FHIP1A: variants seen among roughly 807,000 people sequenced by gnomAD.
FHIP1A encodes FHF complex subunit HOOK-interacting protein 1A.
In FHIP1A, 61 loss-of-function variants were observed where a neutral mutation model predicts 88.6. That is an observed-to-expected ratio of 0.69 (90% CI 0.56 to 0.85). FHIP1A has a LOEUF of 0.85. Among genes scored for constraint, FHIP1A ranks in the 40% least tolerant of loss-of-function variants. The pLI is 0.00. For missense variants in FHIP1A, 1,154 were observed against 1,273.5 expected, an observed-to-expected ratio of 0.91 and a Z score of 1.43; for synonymous variants, 478 against 496.0, an observed-to-expected ratio of 0.96 and a Z score of 0.48.
At chr4:151,438,872 G>T (rs1165961188) in intron 1 of FHIP1A, among the ~76,000 whole-genome samples, 3 of 151,936 alleles carry the variant, frequency 2.0e-5, no homozygotes, top group Non-Finnish European at 4.4e-5. Context: ...GTGAGCTTCT[G>T]TCCTCAAGTG....
intron 3 of FHIP1A, among the ~76,000 whole-genome samples, chr4:151,498,553 C>T (rs918374789): frequency 1.9e-4 from 29 of 152,258 alleles, no homozygotes; most frequent in African/African-American, 6.7e-4. Context: ...CAGTGTCTCA[C>T]GCCTGTAATC....
chr4:151,654,521 T>C (rs1040291763), intron 11 of FHIP1A, among the ~76,000 whole-genome samples: 4 of 152,206 alleles, frequency 2.6e-5, no homozygotes, highest in Non-Finnish European at 1.5e-5. Context: ...AAGTATGTCT[T>C]AATTCACCTG....
intron 3 of FHIP1A, among the ~76,000 whole-genome samples, chr4:151,487,536 G>C (rs1034019196): frequency 2.6e-5 from 4 of 152,152 alleles, no homozygotes; most frequent in Admixed American, 2.6e-4. Context: ...GTCAGGTCAG[G>C]TTATCGTGTC....
intron 8 of FHIP1A, among the ~76,000 whole-genome samples, chr4:151,637,858 A>G (rs1736412673): frequency 6.6e-6 from 1 of 152,120 alleles, no homozygotes; most frequent in Non-Finnish European, 1.5e-5. Context: ...TCTTTACAGC[A>G]TTGTTGTAGA....
At chr4:151,442,673 TA>T (rs2126562954) in intron 1 of FHIP1A, among the ~76,000 whole-genome samples, 1 of 152,298 alleles carries the variant, frequency 6.6e-6, no homozygotes. Flanking sequence ...ATGAGGTTGC[TA>T]CCCTGGGTTC....
chr4:151,611,587 T>G (rs934356050), intron 7 of FHIP1A, among the ~76,000 whole-genome samples: 18 of 152,228 alleles, frequency 1.2e-4, no homozygotes, highest in African/African-American at 3.9e-4. Context: ...ACATCAAACT[T>G]TCTGACTAAG....
Position 151,539,092 on chromosome 4 carries a change from A to G in FHIP1A, c.-122-27046A>G, listed in dbSNP as rs116794410. On this transcript the variant is annotated intron_variant, in intron 3 of 13. Coordinates refer to ENST00000435205, the MANE Select transcript of FHIP1A (RefSeq NM_001109977.3). ...CTGGGGATAACCTTAGGCTATATAG[A>G]TAGCAGTATATGCTTCCTTTTTCAA... 5.7e-3 allele frequency among the ~76,000 whole-genome samples: 861 copies of G among 152,364 alleles called. 6 individuals are homozygous for G. The highest frequency in any genetic ancestry group is 7.0e-3 in the Non-Finnish European group (475 of 68,036).
chr4:151,457,554 T>C (rs554954121), intron 2 of FHIP1A, among the ~76,000 whole-genome samples: 1 of 152,324 alleles, frequency 6.6e-6, no homozygotes, highest in Admixed American at 6.5e-5. Context: ...AACTGCAAAG[T>C]AGAGTTTATT....
At chr4:151,559,715 A>C (rs2126761283) in intron 3 of FHIP1A, among the ~76,000 whole-genome samples, 1 of 152,302 alleles carries the variant, frequency 6.6e-6, no homozygotes, top group Admixed American at 6.5e-5. Flanking sequence ...TTACCATTTA[A>C]ACAATGCTGC....
chr4:151,508,927 C>T lies in FHIP1A; in HGVS notation c.-123+26279C>T, dbSNP rs545296336. On this transcript the variant is annotated intron_variant, in intron 3 of 13. Coordinates refer to ENST00000435205, the MANE Select transcript of FHIP1A (RefSeq NM_001109977.3). ...ACTCCTCTTAAAACTTCTGTCCCCT[C>T]CCAAAAAATCTAGGAAACCCTTAAA... Among the ~76,000 whole-genome samples, 101 of 152,260 alleles carry T rather than the reference C, an allele frequency of 6.6e-4. 1 individual carries two copies. The South Asian group carries it at 0.019, about 28-fold the overall frequency.
intron 13 of FHIP1A, among the ~76,000 whole-genome samples, chr4:151,658,314 T>C (rs1737326438): frequency 6.6e-6 from 1 of 152,210 alleles, no homozygotes; most frequent in South Asian, 2.1e-4. Context: ...TGCTTATGAA[T>C]CTGTGTGGTC....
chr4:151,503,714 T>C (rs930540304), intron 3 of FHIP1A, among the ~76,000 whole-genome samples: 3 of 152,250 alleles, frequency 2.0e-5, no homozygotes, highest in Non-Finnish European at 4.4e-5. Context: ...TCTTCTGGCA[T>C]GCTTATTCCT....
intron 11 of FHIP1A, among the ~76,000 whole-genome samples, chr4:151,652,209 A>C (rs1737056799): frequency 6.6e-6 from 1 of 152,214 alleles, no homozygotes; most frequent in Non-Finnish European, 1.5e-5. Flanking sequence ...TAACATCAAT[A>C]TTTTACATAT....
At chr4:151,616,910 G>C (rs1735556086) in intron 7 of FHIP1A, among the ~76,000 whole-genome samples, 1 of 151,998 alleles carries the variant, frequency 6.6e-6, no homozygotes, top group Non-Finnish European at 1.5e-5. Flanking sequence ...ACCACACCCA[G>C]CTAATTTTTG....
intron 2 of FHIP1A, among the ~76,000 whole-genome samples, chr4:151,466,565 A>T (rs1387804923): frequency 6.6e-6 from 1 of 152,196 alleles, no homozygotes; most frequent in East Asian, 1.9e-4. Flanking sequence ...GCATCACACT[A>T]CCTGACCTCA....
Position 151,665,084 on chromosome 4 carries a change from C to T in FHIP1A, c.*2330C>T, listed in dbSNP as rs576174980. 1.2e-4 allele frequency among the ~76,000 whole-genome samples: 19 copies of T among 152,154 alleles called. No homozygotes were observed. In the East Asian group the frequency reaches 2.9e-3, roughly 23 times the overall value. On this transcript the variant is annotated 3_prime_UTR_variant, in exon 14 of 14. Transcript: ENST00000435205. The stretch of plus-strand genomic sequence containing the variant: ...CAACCTCCTGGGCTCAAGTGATCCT[C>T]CCACCTCAGCCTTCCGAGTAGCTGG...
rs1736391618 is a variant in FHIP1A at position 151,637,307 on chromosome 4, AT to A, written c.1147-1369del. ...TGAACAACAACAAATGAAAAAATTG[AT>A]AAATTGGAAATTATCAAAATTAAAA... On this transcript the variant is annotated intron_variant, in intron 8 of 13. Transcript: ENST00000435205. Among the ~76,000 whole-genome samples the A allele has an allele frequency of 2.0e-5, 3 of 152,270 alleles. No homozygotes were observed. The South Asian group carries it at 6.2e-4, about 32-fold the overall frequency.
Position 151,650,205 on chromosome 4 carries a change from C to G in FHIP1A, c.2164C>G (p.Pro722Ala), listed in dbSNP as rs1043782284. Residue 722 changes from proline to alanine, a missense_variant, in exon 11 of 14, where the codon CCA (proline) becomes GCA (alanine). Pro to Ala is a conservative substitution (Grantham distance 27, BLOSUM62 -1). Transcript: ENST00000435205. ...GCAAGAGAGGGAACCTGAAGCAGCC[C>G]CAGAATCCAACTCAGAGTTAGCATC... is the stretch of plus-strand genomic sequence containing the variant. ...PKQEREPEAA[P>A]ESNSELASPA... The G allele has an allele frequency of 5.2e-6, 8 of 1,551,594 alleles. No individual in the cohort carries two copies. The highest frequency in any genetic ancestry group is 7.0e-6 in the Non-Finnish European group (8 of 1,147,016).
chr4:151,468,716 G>A (rs1729410598), intron 2 of FHIP1A, among the ~76,000 whole-genome samples: 2 of 152,176 alleles, frequency 1.3e-5, no homozygotes, highest in South Asian at 4.1e-4. Context: ...ATTTATCAAA[G>A]GAAGTGATTT....
Sources: gnomAD v4.1 joint callset for allele counts (sites outside exome capture counted in the v4.1 genomes callset) on GRCh38, gnomAD v4.1.1 for gene constraint, MANE v1.5 for transcripts, NCBI Gene and HGNC (gene_info 2026-07-23, HGNC 2026-07-21) for gene names.